Variants in KCNN3 observed in about 807,000 individuals in gnomAD.
KCNN3 encodes the protein small conductance calcium-activated potassium channel protein 3.
A neutral mutation model predicts 62.9 loss-of-function variants in KCNN3; 16 were observed. The observed-to-expected ratio is 0.25, with a 90% CI of 0.17 to 0.39. The LOEUF is 0.39. KCNN3 is among the 10% of genes least tolerant of loss of function. The pLI is 1.00. For missense variants in KCNN3, 599 were observed against 949.4 expected (o/e 0.63, Z 4.85); for synonymous variants, 370 against 389.2 (o/e 0.95, Z 0.58).
chr1:154,770,279 C>A (rs957072520), intron 3 of KCNN3, among the ~76,000 whole-genome samples: 2 of 152,202 alleles, frequency 1.3e-5, no homozygotes, highest in East Asian at 1.9e-4. Context: ...CATCCTGGAG[C>A]CTGAACCCTT....
At chr1:154,752,392 CAG>C (rs1429055056) in intron 3 of KCNN3, among the ~76,000 whole-genome samples, 1 of 140,800 alleles carries the variant, frequency 7.1e-6, no homozygotes, top group Non-Finnish European at 1.6e-5. Context: ...AAGCACTGAG[CAG>C]ATGAAGGAAG....
At chr1:154,820,916 T>C (rs1053705310) in intron 2 of KCNN3, among the ~76,000 whole-genome samples, 2 of 152,116 alleles carry the variant, frequency 1.3e-5, no homozygotes, top group Non-Finnish European at 2.9e-5. Flanking sequence ...AAGCCAAGGC[T>C]CTCTAAGAGG....
Position 154,815,803 on chromosome 1 carries a change from G to A in KCNN3, c.1029+6286C>T, listed in dbSNP as rs115792922. ...TTGAGCCTGCTTTCTTTTACAGGGA[G>A]AAGGGAGGGTGAGGGCACAGAGCAA... is the stretch of plus-strand genomic sequence containing the variant. On this transcript the variant is annotated intron_variant, in intron 2 of 7. Coordinates refer to ENST00000271915, the MANE Select transcript of KCNN3 (RefSeq NM_002249.6). Among the ~76,000 whole-genome samples the A allele has an allele frequency of 5.7e-3, 874 of 152,318 alleles. 15 individuals carry two copies. The highest frequency in any genetic ancestry group is 0.019 in the African/African-American group (810 of 41,580).
chr1:154,794,927 T>A (rs1364698686), intron 2 of KCNN3, among the ~76,000 whole-genome samples: 1 of 152,210 alleles, frequency 6.6e-6, no homozygotes, highest in Admixed American at 6.5e-5. Context: ...CCTAGAGAGC[T>A]CTTTTTCATC....
At chr1:154,771,186 A>G (rs903612312) in intron 3 of KCNN3, among the ~76,000 whole-genome samples, 27 of 152,230 alleles carry the variant, frequency 1.8e-4, no homozygotes, top group African/African-American at 4.8e-4. Flanking sequence ...AGGTGGCTTC[A>G]GTCCTGCCCT....
intron 2 of KCNN3, among the ~76,000 whole-genome samples, chr1:154,807,218 G>A (rs1254203776): frequency 6.6e-6 from 1 of 152,128 alleles, no homozygotes; most frequent in African/African-American, 2.4e-5. Context: ...AAACAAGGTG[G>A]TTTTGGTGAA....
At chr1:154,756,732 G>A (rs1647734827) in intron 3 of KCNN3, among the ~76,000 whole-genome samples, 2 of 151,994 alleles carry the variant, frequency 1.3e-5, no homozygotes, top group Admixed American at 6.6e-5. Context: ...AAGAATCATT[G>A]CAAACTTCTT....
At chr1:154,847,931 TC>T (rs1558005849) in intron 1 of KCNN3, among the ~76,000 whole-genome samples, 1 of 152,044 alleles carries the variant, frequency 6.6e-6, no homozygotes, top group Non-Finnish European at 1.5e-5. Context: ...AGCCAGTCAC[TC>T]CCCCAGCTCC....
chr1:154,810,758 A>T (rs952878822), intron 2 of KCNN3, among the ~76,000 whole-genome samples: 8 of 152,038 alleles, frequency 5.3e-5, no homozygotes, highest in African/African-American at 1.7e-4. Context: ...CCTAATATTC[A>T]CCCTTGTTGG....
intron 2 of KCNN3, among the ~76,000 whole-genome samples, chr1:154,782,069 T>C (rs1289067444): frequency 6.6e-6 from 1 of 151,844 alleles, no homozygotes; most frequent in Non-Finnish European, 1.5e-5. Flanking sequence ...AGGATGGAGC[T>C]TAGAGAGTTG....
chr1:154,834,572 G>A (rs1421876210), intron 1 of KCNN3, among the ~76,000 whole-genome samples: 2 of 152,176 alleles, frequency 1.3e-5, no homozygotes, highest in African/African-American at 2.4e-5. Context: ...AAGGCAGAAG[G>A]ATCTCCATGG....
chr1:154,840,104 T>C (rs1250403287), intron 1 of KCNN3, among the ~76,000 whole-genome samples: 1 of 152,120 alleles, frequency 6.6e-6, no homozygotes, highest in African/African-American at 2.4e-5. Flanking sequence ...AAAAGGTCAC[T>C]GGGTGGTGAT....
At chr1:154,752,623 C>T (rs1217425090) in intron 3 of KCNN3, among the ~76,000 whole-genome samples, 1 of 152,044 alleles carries the variant, frequency 6.6e-6, no homozygotes, top group Non-Finnish European at 1.5e-5. Flanking sequence ...AGAGGAGAAC[C>T]TGTGTAGAAT....
chr1:154,736,825 GTTTC>G lies in KCNN3; in HGVS notation c.1449-3685_1449-3682del, dbSNP rs368720772. ...TTACATATAAATTATGTTCTTGTGG[GTTTC>G]TTTTTTCATTCACCATAATAAACTC... is the stretch of plus-strand genomic sequence containing the variant. On this transcript the variant is annotated intron_variant, in intron 3 of 7. Coordinates refer to ENST00000271915, the MANE Select transcript of KCNN3 (RefSeq NM_002249.6). 3.9e-3 allele frequency among the ~76,000 whole-genome samples: 587 copies of G among 152,188 alleles called. 9 individuals are homozygous for G. Among genetic ancestry groups the G allele is most frequent in the African/African-American group, 0.013 (558 of 41,552 alleles).
chr1:154,851,194 G>C (rs1211938867), intron 1 of KCNN3, among the ~76,000 whole-genome samples: 1 of 152,090 alleles, frequency 6.6e-6, no homozygotes, highest in Admixed American at 6.5e-5. Flanking sequence ...GGCCAGGTTG[G>C]TCTCAAACTC....
At chr1:154,798,946 C>A (rs1320239356) in intron 2 of KCNN3, among the ~76,000 whole-genome samples, 1 of 147,640 alleles carries the variant, frequency 6.8e-6, no homozygotes, top group Non-Finnish European at 1.5e-5. Context: ...GAGACAGAGT[C>A]CACTCTGTCA....
intron 2 of KCNN3, among the ~76,000 whole-genome samples, chr1:154,814,559 A>G (rs932164309): frequency 2.0e-5 from 3 of 152,210 alleles, no homozygotes; most frequent in East Asian, 1.9e-4. Flanking sequence ...GGAGGAGGAA[A>G]TATCTATGCT....
intron 1 of KCNN3, among the ~76,000 whole-genome samples, chr1:154,852,346 G>T (rs1652337733): frequency 1.3e-5 from 2 of 150,058 alleles, no homozygotes; most frequent in South Asian, 4.2e-4. Context: ...TAGAACCACA[G>T]GCATATGCCA....
intron 1 of KCNN3, among the ~76,000 whole-genome samples, chr1:154,847,251 G>A (rs902933986): frequency 3.9e-5 from 6 of 152,086 alleles, no homozygotes; most frequent in Middle Eastern, 3.4e-3. Flanking sequence ...AGGCCACACC[G>A]AGAGGGAAGG....
Sources: allele counts gnomAD v4.1 joint callset (sites outside exome capture counted in the v4.1 genomes callset), GRCh38; gene constraint gnomAD v4.1.1; transcripts MANE v1.5; gene names NCBI Gene and HGNC (gene_info 2026-07-23, HGNC 2026-07-21).